The following COL27A1 variants were observed in gnomAD, a reference collection of about 807,000 sequenced individuals.
The protein encoded by COL27A1 is collagen alpha-1(XXVII) chain.
COL27A1 carries 106 observed loss-of-function variants against 251.3 expected under a neutral mutation model. The observed-to-expected ratio is 0.42, with a 90% CI of 0.36 to 0.50. The LOEUF is 0.50. Among genes scored for constraint, COL27A1 ranks in the 20% least tolerant of loss-of-function variants. The pLI, the probability that COL27A1 is intolerant of heterozygous loss-of-function variation, is 0.00. For synonymous variants in COL27A1, 1,000 were observed against 986.3 expected, an observed-to-expected ratio of 1.01 and a Z score of -0.26; for missense variants, 2,325 against 2,522.8, an observed-to-expected ratio of 0.92 and a Z score of 1.68.
intron 28 of COL27A1, among the ~76,000 whole-genome samples, chr9:114,263,417 T>C (rs968782689): frequency 6.6e-6 from 1 of 151,856 alleles, no homozygotes; most frequent in East Asian, 1.9e-4. Context: ...CACAGGACAC[T>C]CCTGTCCTCC....
chr9:114,251,097 G>A (rs1833512858), intron 25 of COL27A1, among the ~76,000 whole-genome samples: 1 of 152,120 alleles, frequency 6.6e-6, no homozygotes, highest in African/African-American at 2.4e-5. Context: ...ATAATAAGTG[G>A]CAGTGCTGAG....
chr9:114,194,162 A>G lies in COL27A1; in HGVS notation c.2017-242A>G, dbSNP rs1828939956. Reference sequence around the variant, plus strand: ...GGGTGCCTGGGACTGGCTGGATTACAGAAGACTTGGGATAGCAGAAGGAGG... The same window carrying G: ...GGGTGCCTGGGACTGGCTGGATTACGGAAGACTTGGGATAGCAGAAGGAGG... On this transcript the variant is annotated intron_variant, in intron 5 of 60. Transcript: ENST00000356083. Among the ~76,000 whole-genome samples the G allele has an allele frequency of 2.0e-5, 3 of 152,172 alleles. No homozygotes were observed. The South Asian group carries it at 6.2e-4, about 32-fold the overall frequency.
At position 114,210,972 on chromosome 9, in the gene COL27A1, T is replaced by C. The variant is rs756561869; in HGVS notation, c.2323-10T>C. 6.2e-7 allele frequency: 1 copy of C among 1,614,080 alleles called. No individual in the cohort carries two copies. The highest frequency in any genetic ancestry group is 2.2e-5 in the East Asian group (1 of 44,866). On this transcript the variant is annotated splice_polypyrimidine_tract_variant and intron_variant, in intron 11 of 60. Transcript: ENST00000356083. ...CCTGCCCTGACCTCTCCCCTGTCTCTCCCCTGCAGGGCCTGCCTGGCGTTC... is the reference window on the plus strand; with the variant it reads ...CCTGCCCTGACCTCTCCCCTGTCTCCCCCCTGCAGGGCCTGCCTGGCGTTC...
At chr9:114,222,453 G>A (rs1036723921) in intron 14 of COL27A1, among the ~76,000 whole-genome samples, 186 bp downstream of exon 14, 8 of 151,948 alleles carry the variant, frequency 5.3e-5, no homozygotes, top group African/African-American at 1.9e-4. Flanking sequence ...AGGGGAAGGT[G>A]GGTAGGGGAG....
At chr9:114,193,175 G>A (rs1462430332) in intron 5 of COL27A1, among the ~76,000 whole-genome samples, 3 of 152,192 alleles carry the variant, frequency 2.0e-5, no homozygotes, top group Non-Finnish European at 2.9e-5. Flanking sequence ...AGGGCTCAAG[G>A]TGGGATAGGA....
rs1375970554 is a variant in COL27A1, at chr9:114,169,450, AC to A, written c.1896del (p.Cys633ValfsTer115). On this transcript the variant is annotated frameshift_variant, in exon 3 of 61. Transcript: ENST00000356083. LOFTEE classifies it high-confidence loss of function. ...LLMGPPGPKG[D>X]CGLPGPPGLP... ...ATGGGGCCTCCGGGACCCAAGGGAG[AC>A]TGTGGCTTGCCGGTAAGACTGAGTG... 6.5e-7 allele frequency: 1 copy of A among 1,537,800 alleles called. No homozygotes were observed. Among genetic ancestry groups the A allele is most frequent in the East Asian group, 2.3e-5 (1 of 44,130 alleles).
At position 114,162,701 on chromosome 9, in the gene COL27A1, C is replaced by G; in HGVS notation, c.63-14C>G. 6.2e-7 allele frequency: 1 copy of G among 1,607,950 alleles called. No individual in the cohort carries two copies. The highest frequency in any genetic ancestry group is 8.5e-7 in the Non-Finnish European group (1 of 1,175,482). On this transcript the variant is annotated splice_polypyrimidine_tract_variant and intron_variant, in intron 1 of 60. Coordinates refer to ENST00000356083, the MANE Select transcript of COL27A1 (RefSeq NM_032888.4). ...AAGCTGATGCCGCCTCTGCTTGTGTCTCCTGGTCTCTAGGGGGTTTCTCTT... is the reference window on the plus strand; with the variant it reads ...AAGCTGATGCCGCCTCTGCTTGTGTGTCCTGGTCTCTAGGGGGTTTCTCTT...
intron 1 of COL27A1, among the ~76,000 whole-genome samples, chr9:114,162,439 C>T (rs1848561973): frequency 6.6e-6 from 1 of 152,234 alleles, no homozygotes; most frequent in Non-Finnish European, 1.5e-5. Flanking sequence ...TTTCTATGCA[C>T]TGCTTCTTCC....
intron 5 of COL27A1, among the ~76,000 whole-genome samples, chr9:114,193,545 C>T (rs1024933197): frequency 7.2e-5 from 11 of 152,124 alleles, no homozygotes; most frequent in African/African-American, 2.7e-4. Context: ...ATAATCTCAG[C>T]TCTGCCAATG....
intron 58 of COL27A1, chr9:114,307,118 G>A: frequency 5.2e-6 from 1 of 191,092 alleles, no homozygotes; most frequent in Non-Finnish European, 1.1e-5. Context: ...GTGAGCTGGG[G>A]CAAGCCACGG....
In COL27A1 at chr9:114,282,468, C is replaced by T. The variant is rs1235381934; in HGVS notation, c.3783C>T (p.Gly1261=). 2.5e-6 allele frequency: 4 copies of T among 1,603,876 alleles called. No homozygotes were observed. The highest frequency in any genetic ancestry group is 3.4e-6 in the Non-Finnish European group (4 of 1,175,444). Residue 1261 remains glycine, a synonymous_variant, in exon 39 of 61, where the codon GGC becomes GGT. Transcript: ENST00000356083. ...TCCTCCTGTTGCAGGGTGCCAAGGG[C>T]TATCAAGGACAGCTGGGTGAGATGG... ...KGRTGAKGAK[G]YQGQLGEMGV...
intron 49 of COL27A1, among the ~76,000 whole-genome samples, chr9:114,296,738 A>G (rs1299999316): frequency 6.6e-6 from 1 of 152,242 alleles, no homozygotes; most frequent in African/African-American, 2.4e-5. Context: ...ATTCAGCCAC[A>G]TGAAGACTAT....
At position 114,168,365 on chromosome 9, in the gene COL27A1, G is replaced by A. The variant is rs537460858; in HGVS notation, c.810G>A (p.Glu270=). 1 of 1,613,342 alleles carries A rather than the reference G, an allele frequency of 6.2e-7. No homozygotes were observed. The highest frequency in any genetic ancestry group is 2.2e-5 in the East Asian group (1 of 44,868). Residue 270 remains glutamate (E), a synonymous_variant, in exon 3 of 61, where the codon GAG becomes GAA. Coordinates refer to ENST00000356083, the MANE Select transcript of COL27A1 (RefSeq NM_032888.4). ...CCGACCTCGCCCTGCTAGGCCTGGAGAACTTGACCACTGCCACACCAGCCC... is the reference window on the plus strand; with the variant it reads ...CCGACCTCGCCCTGCTAGGCCTGGAAAACTTGACCACTGCCACACCAGCCC... ...FQSDLALLGL[E]NLTTATPALG...
Position 114,231,852 on chromosome 9 carries a change from C to A in COL27A1, c.2551C>A (p.Leu851Met), listed in dbSNP as rs531698651. Residue 851 changes from leucine (L) to methionine (M), a missense_variant, in exon 16 of 61, where the codon CTG becomes ATG. Leu to Met is a conservative substitution (Grantham distance 15, BLOSUM62 2). Around this residue, in one of 4 missense-constraint regions of COL27A1, gnomAD observed 1,183 missense variants for 1,144.1 expected, o/e 1.03. Coordinates refer to ENST00000356083, the MANE Select transcript of COL27A1 (RefSeq NM_032888.4). ...GATGGGCAGCGTGGGGGAGCCCGGA[C>A]TGAAAGGTGATAAGGTGATCTGAAT... is the stretch of plus-strand genomic sequence containing the variant. ...GLMGSVGEPG[L>M]KGDKGEQGVP... 16 of 1,614,042 alleles carry A rather than the reference C, an allele frequency of 9.9e-6. No homozygotes were observed. In the South Asian group the frequency reaches 1.8e-4, roughly 18 times the overall value.
intron 49 of COL27A1, among the ~76,000 whole-genome samples, chr9:114,293,255 A>G (rs1460189896): frequency 6.6e-6 from 1 of 152,254 alleles, no homozygotes; most frequent in Admixed American, 6.5e-5. Context: ...AAGATCTCCA[A>G]ACATCTGGAA....
chr9:114,250,501 G>A (rs957245443), intron 24 of COL27A1, 114 bp from the exon 25 acceptor site: 2 of 929,182 alleles, frequency 2.2e-6, no homozygotes, highest in Admixed American at 3.7e-5. Context: ...ATGCTGGCTG[G>A]GTGACCAGGC....
At chr9:114,308,062 G>T (rs1829182445) in intron 59 of COL27A1, among the ~76,000 whole-genome samples, 1 of 152,240 alleles carries the variant, frequency 6.6e-6, no homozygotes, top group African/African-American at 2.4e-5. Context: ...GGCCAAGCTG[G>T]CCTGGCTTGT....
At chr9:114,160,896 A>G (rs1375094550) in intron 1 of COL27A1, among the ~76,000 whole-genome samples, 1 of 152,194 alleles carries the variant, frequency 6.6e-6, no homozygotes, top group East Asian at 1.9e-4. Flanking sequence ...TGATGGGAGT[A>G]GCATGTGCAA....
At chr9:114,210,833 G>A in intron 11 of COL27A1, 149 bp from the exon 12 acceptor site, 1 of 706,558 alleles carries the variant, frequency 1.4e-6, no homozygotes, top group South Asian at 1.7e-5. Flanking sequence ...TCCGTCTGAT[G>A]TGCATGTCAC....
Sources: allele counts gnomAD v4.1 joint callset (sites outside exome capture counted in the v4.1 genomes callset), GRCh38; gene constraint gnomAD v4.1.1; regional missense constraint gnomAD v4.1.1; transcripts MANE v1.5; gene names NCBI Gene and HGNC (gene_info 2026-07-23, HGNC 2026-07-21).